Variants in RER1 observed in about 807,000 individuals in gnomAD.
RER1 encodes the protein protein RER1.
In RER1, 6 loss-of-function variants were observed where a neutral mutation model predicts 28.3. The observed-to-expected ratio is 0.21, with a 90% CI of 0.12 to 0.42. The LOEUF is 0.42. Ranked by LOEUF, RER1 falls within the 10% of genes least tolerant of loss-of-function variation. RER1 has a pLI of 1.00. For synonymous variants in RER1, 110 were observed against 95.9 expected (o/e 1.15, Z -0.86); for missense variants, 159 against 252.9 (o/e 0.63, Z 2.52).
At chr1:2,393,726 G>A (rs558107307) in intron 1 of RER1, among the ~76,000 whole-genome samples, 5 of 152,368 alleles carry the variant, frequency 3.3e-5, no homozygotes, top group Admixed American at 2.0e-4. Context: ...GGCTGTTGGA[G>A]TCCAAAGTTC....
chr1:2,395,147 C>T (rs912076911), intron 1 of RER1: 1 of 152,674 alleles, frequency 6.5e-6, no homozygotes, highest in African/African-American at 2.4e-5. Context: ...ACCTCTGGCA[C>T]CTGGGTTCTC....
Position 2,402,318 on chromosome 1 carries a change from T to C in RER1, c.477T>C (p.Cys159=). The change falls in exon 6 of 7, where the codon TGT becomes TGC. Residue 159 remains cysteine (C), a synonymous_variant. Coordinates refer to ENST00000605895, the MANE Select transcript of RER1 (RefSeq NM_007033.5). Reference sequence around the variant, plus strand: ...TGATGTACTTCATCATGCTCTTCTGTATCACGATGAAGAGGCAAATCAAGG... The same window carrying C: ...TGATGTACTTCATCATGCTCTTCTGCATCACGATGAAGAGGCAAATCAAGG... ...ILVMYFIMLF[C]ITMKRQIKHM... 3 of 1,614,222 alleles carry C rather than the reference T, an allele frequency of 1.9e-6. No homozygotes were observed. Among genetic ancestry groups the C allele is most frequent in the Non-Finnish European group, 2.5e-6 (3 of 1,180,042 alleles).
chr1:2,395,614 C>G (rs1377372735), intron 1 of RER1, 170 bp from the exon 2 acceptor site: 11 of 614,438 alleles, frequency 1.8e-5, no homozygotes, highest in South Asian at 1.3e-4. Flanking sequence ...CCAGGGAAGC[C>G]TGTGTACCTG....
In RER1 at chr1:2,401,935, C is replaced by G. The variant is rs1642868625; in HGVS notation, c.366-272C>G. On this transcript the variant is annotated intron_variant, in intron 5 of 6. Transcript: ENST00000605895. ...AGCCAGCAGGCATGGGGCCCCCAGCCTCAGTACTGATGCTTTATACTTTGT... is the reference window on the plus strand; with the variant it reads ...AGCCAGCAGGCATGGGGCCCCCAGCGTCAGTACTGATGCTTTATACTTTGT... 4.5e-6 allele frequency: 6 copies of G among 1,347,506 alleles called. No individual in the cohort carries two copies. In the Admixed American group the frequency reaches 1.6e-4, roughly 37 times the overall value. 83.5% of individuals were successfully genotyped at this position (1,347,506 alleles called of 1,614,324 possible). A position where few individuals can be genotyped will look rare whatever the true frequency, so the allele number is the denominator to read the frequency against.
In RER1 at chr1:2,405,378, C is replaced by T. The variant is rs1642964743; in HGVS notation, c.*2254C>T. On this transcript the variant is annotated 3_prime_UTR_variant, in exon 7 of 7. Coordinates refer to ENST00000605895, the MANE Select transcript of RER1 (RefSeq NM_007033.5). ...GCACTCATTCAGTCCATTGCCTTAACACAAGCCTGATGGGGCTGTTTTCTC... is the reference window on the plus strand; with the variant it reads ...GCACTCATTCAGTCCATTGCCTTAATACAAGCCTGATGGGGCTGTTTTCTC... The T allele has an allele frequency of 8.0e-6, 3 of 373,930 alleles. No individual in the cohort carries two copies. Among genetic ancestry groups the T allele is most frequent in the South Asian group, 4.2e-5 (2 of 47,222 alleles). The allele number at this position is 373,930 out of a possible 1,614,324, so 23.2% of individuals were successfully genotyped here. A position where few individuals can be genotyped will look rare whatever the true frequency, so the allele number is the denominator to read the frequency against.
chr1:2,403,358 T>C lies in RER1; in HGVS notation c.*234T>C, dbSNP rs1642902494. ...CAAGTGTTTCTCACGGATGGAATTCTAGTCAGCTGCAGGCGGGAAGCCAGG... is the reference window on the plus strand; with the variant it reads ...CAAGTGTTTCTCACGGATGGAATTCCAGTCAGCTGCAGGCGGGAAGCCAGG... On this transcript the variant is annotated 3_prime_UTR_variant, in exon 7 of 7. Coordinates refer to ENST00000605895, the MANE Select transcript of RER1 (RefSeq NM_007033.5). 2.2e-6 allele frequency: 1 copy of C among 455,380 alleles called. No individual in the cohort carries two copies. The highest frequency in any genetic ancestry group is 4.1e-6 in the Non-Finnish European group (1 of 246,380). The allele number at this position is 455,380 out of a possible 1,614,324, so 28.2% of individuals were successfully genotyped here. A position where few individuals can be genotyped will look rare whatever the true frequency, so the allele number is the denominator to read the frequency against.
At position 2,403,141 on chromosome 1, in the gene RER1, G is replaced by C. The variant is rs779740234; in HGVS notation, c.*17G>C. The C allele has an allele frequency of 3.7e-6, 6 of 1,600,156 alleles. No homozygotes were observed. In the African/African-American group the frequency reaches 8.0e-5, roughly 21 times the overall value. ...GCCAGCTAGAAGCGGGACTGAGGCT[G>C]CCTCACGTGTTGCAAGAACAGTTTT... On this transcript the variant is annotated 3_prime_UTR_variant, in exon 7 of 7. Coordinates refer to ENST00000605895, the MANE Select transcript of RER1 (RefSeq NM_007033.5).
intron 3 of RER1, among the ~76,000 whole-genome samples, chr1:2,397,473 T>TGGGCAC (rs1288150383): frequency 1.3e-5 from 2 of 152,172 alleles, no homozygotes; most frequent in Non-Finnish European, 2.9e-5. Context: ...GGCCCTGCCC[T>TGGGCAC]GGGCACGTCC....
At chr1:2,398,340 T>C (rs1249994727) in intron 3 of RER1, among the ~76,000 whole-genome samples, 1 of 152,258 alleles carries the variant, frequency 6.6e-6, no homozygotes, top group Non-Finnish European at 1.5e-5. Context: ...CTGGAAAAGC[T>C]TTTAGGCAGA....
intron 5 of RER1, among the ~76,000 whole-genome samples, chr1:2,401,257 C>CCCTCCT (rs1264074587): frequency 6.6e-5 from 8 of 120,428 alleles, no homozygotes; most frequent in Admixed American, 4.8e-4. Context: ...CCTCCTTCCT[C>CCCTCCT]CCTCCTCCAC....
Position 2,404,091 on chromosome 1 carries a change from A to G in RER1, c.*967A>G, listed in dbSNP as rs1250741853. On this transcript the variant is annotated 3_prime_UTR_variant, in exon 7 of 7. Coordinates refer to ENST00000605895, the MANE Select transcript of RER1 (RefSeq NM_007033.5). The stretch of plus-strand genomic sequence containing the variant: ...GGTGACCCATATTGCACAGCAGAAC[A>G]TCACAGCTGTGGTCCCAGATGAGAC... 6.6e-6 allele frequency: 1 copy of G among 152,248 alleles called. No homozygotes were observed. The highest frequency in any genetic ancestry group is 1.5e-5 in the Non-Finnish European group (1 of 68,052). The allele number at this position is 152,248 out of a possible 1,614,324, so 9.4% of individuals were successfully genotyped here. A position where few individuals can be genotyped will look rare whatever the true frequency, so the allele number is the denominator to read the frequency against.
intron 1 of RER1, chr1:2,394,645 A>G (rs1187360662): frequency 6.6e-6 from 1 of 152,284 alleles, no homozygotes; most frequent in Non-Finnish European, 1.5e-5. Flanking sequence ...GGTATTTCTT[A>G]GAGCCTCATT....
chr1:2,405,303 G>A lies in RER1; in HGVS notation c.*2179G>A. ...GGGCCGTGGGGCTGCTGTTCTCACT[G>A]CACTGGCTGAAGCAACCCGCCAGCC... On this transcript the variant is annotated 3_prime_UTR_variant, in exon 7 of 7. Coordinates refer to ENST00000605895, the MANE Select transcript of RER1 (RefSeq NM_007033.5). 3 of 323,772 alleles carry A rather than the reference G, an allele frequency of 9.3e-6. No homozygotes were observed. Among genetic ancestry groups the A allele is most frequent in the Non-Finnish European group, 1.8e-5 (3 of 166,934 alleles). The allele number at this position is 323,772 out of a possible 1,614,324, so 20.1% of individuals were successfully genotyped here.
At chr1:2,396,051 T>A (rs1642763694) in intron 2 of RER1, 180 bp downstream of exon 2, 2 of 613,808 alleles carry the variant, frequency 3.3e-6, no homozygotes, top group Non-Finnish European at 2.9e-6. Flanking sequence ...GAGATCGGGC[T>A]CTGGGGCCAC....
chr1:2,401,627 C>A (rs1046704639), intron 5 of RER1, among the ~76,000 whole-genome samples: 1 of 151,866 alleles, frequency 6.6e-6, no homozygotes, highest in Non-Finnish European at 1.5e-5. Context: ...ACAGGAGGAA[C>A]CCAAGTCTGT....
intron 3 of RER1, 49 bp downstream of exon 3, chr1:2,397,269 G>T: frequency 7.8e-7 from 1 of 1,284,426 alleles, no homozygotes; most frequent in Non-Finnish European, 1.1e-6. Context: ...ACGTTACCTG[G>T]GCGTGATGTT....
chr1:2,403,311 G>A lies in RER1; in HGVS notation c.*187G>A. ...AACTGGCGCTTAAACCAAATCGCAT[G>A]GATTTCTTTTTCAGTGACGTTCAAG... is the stretch of plus-strand genomic sequence containing the variant. On this transcript the variant is annotated 3_prime_UTR_variant, in exon 7 of 7. Coordinates refer to ENST00000605895, the MANE Select transcript of RER1 (RefSeq NM_007033.5). 1 of 556,268 alleles carries A rather than the reference G, an allele frequency of 1.8e-6. No homozygotes were observed. Among genetic ancestry groups the A allele is most frequent in the Non-Finnish European group, 3.2e-6 (1 of 308,772 alleles). 34.5% of individuals were successfully genotyped at this position (556,268 alleles called of 1,614,324 possible).
At chr1:2,392,036 G>GCGGGCGGGGCCGCGCTGAGGGC (rs1342565501) in intron 1 of RER1, 78 bp downstream of exon 1, 2 of 151,874 alleles carry the variant, frequency 1.3e-5, no homozygotes, top group Non-Finnish European at 1.5e-5. Flanking sequence ...AAGGCCGCGG[G>GCGGGCGGGGCCGCGCTGAGGGC]CGGGCGGGGC....
chr1:2,402,149 C>T (rs750275813), intron 5 of RER1, 58 bp from the exon 6 acceptor site: 19 of 1,613,932 alleles, frequency 1.2e-5, no homozygotes, highest in Admixed American at 3.3e-5. Flanking sequence ...TGGAGGCGGC[C>T]GGCAGGTGCC....
Sources: allele counts gnomAD v4.1 joint callset (sites outside exome capture counted in the v4.1 genomes callset), GRCh38; gene constraint gnomAD v4.1.1; transcripts MANE v1.5; gene names NCBI Gene and HGNC (gene_info 2026-07-23, HGNC 2026-07-21).